ACMSD: variants seen among roughly 807,000 people sequenced by gnomAD.
The protein encoded by ACMSD is 2-amino-3-carboxymuconate-6-semialdehyde decarboxylase.
A neutral mutation model predicts 45.9 loss-of-function variants in ACMSD; 37 were observed. The ratio of observed to expected loss-of-function variants is 0.81; its 90% CI spans 0.62 to 1.06. The LOEUF is 1.06. Ranked by LOEUF, ACMSD falls within the 50% of genes least tolerant of loss-of-function variation. ACMSD has a pLI of 0.00. For synonymous variants in ACMSD, 138 were observed against 148.8 expected, an observed-to-expected ratio of 0.93 and a Z score of 0.53; for missense variants, 434 against 420.9, an observed-to-expected ratio of 1.03 and a Z score of -0.27.
chr2:134,865,612 A>T (rs2104864488), intron 5 of ACMSD, among the ~76,000 whole-genome samples: 1 of 152,230 alleles, frequency 6.6e-6, no homozygotes, highest in East Asian at 1.9e-4. Flanking sequence ...TTGGTTAGCA[A>T]GGTTTGCCTG....
rs1688406586 is a variant in ACMSD at position 134,871,001 on chromosome 2, T to C, written c.617T>C (p.Met206Thr). Residue 206 changes from methionine (M) to threonine (T), a missense_variant, in exon 7 of 10, where the codon ATG becomes ACG. Physicochemically the swap from Met to Thr is moderately conservative, Grantham distance 81. Transcript: ENST00000356140. Reference protein sequence around the residue: ...PAETTIAICSMIMGGVFEKFP... With the variant: ...PAETTIAICSTIMGGVFEKFP... ...GAGACCACCATAGCCATTTGCTCCA[T>C]GATCATGGGTGGAGTATTTGAGAAG... 2 of 1,614,074 alleles carry C rather than the reference T, an allele frequency of 1.2e-6. No homozygotes were observed. The highest frequency in any genetic ancestry group is 1.3e-5 in the African/African-American group (1 of 74,932).
At chr2:134,886,215 C>T (rs1383928679) in intron 8 of ACMSD, among the ~76,000 whole-genome samples, 1 of 145,502 alleles carries the variant, frequency 6.9e-6, no homozygotes, top group East Asian at 2.0e-4. Flanking sequence ...AAGTACTTGG[C>T]AAAATTCATT....
chr2:134,845,381 C>T, intron 2 of ACMSD, 104 bp downstream of exon 2: 1 of 1,209,988 alleles, frequency 8.3e-7, no homozygotes, highest in Non-Finnish European at 1.2e-6. Context: ...CTCTTCTGCC[C>T]ATGTATTAGC....
intron 8 of ACMSD, among the ~76,000 whole-genome samples, chr2:134,893,016 T>C (rs1048385589): frequency 2.3e-4 from 35 of 152,210 alleles, no homozygotes; most frequent in African/African-American, 7.7e-4. Flanking sequence ...TAGTTAACAC[T>C]TAGATTTGCA....
intron 8 of ACMSD, among the ~76,000 whole-genome samples, chr2:134,886,252 T>A (rs35500057): frequency 0.2 from 23,717 of 119,726 alleles, 2,257 homozygotes; most frequent in Middle Eastern, 0.52. Context: ...TATTATTTTT[T>A]TTTTTTTTTT....
At chr2:134,848,426 T>G (rs1424503516) in intron 2 of ACMSD, among the ~76,000 whole-genome samples, 6 of 152,164 alleles carry the variant, frequency 3.9e-5, no homozygotes, top group Non-Finnish European at 7.3e-5. Flanking sequence ...TTTCTCCACA[T>G]CCTCTCCAGC....
At chr2:134,856,932 T>C (rs1687609973) in intron 2 of ACMSD, among the ~76,000 whole-genome samples, 1 of 152,140 alleles carries the variant, frequency 6.6e-6, no homozygotes, top group African/African-American at 2.4e-5. Context: ...TGTAAAAATG[T>C]CATTGGAATT....
intron 8 of ACMSD, among the ~76,000 whole-genome samples, chr2:134,876,202 T>A (rs1688723738): frequency 6.6e-6 from 1 of 152,212 alleles, no homozygotes; most frequent in Non-Finnish European, 1.5e-5. Context: ...TTTATATTAC[T>A]GTAGATTTCA....
intron 8 of ACMSD, among the ~76,000 whole-genome samples, chr2:134,886,856 A>G (rs947332734): frequency 2.6e-5 from 4 of 152,234 alleles, no homozygotes; most frequent in East Asian, 1.9e-4. Context: ...TAAGGACCCT[A>G]CAAAGCAGTT....
intron 8 of ACMSD, among the ~76,000 whole-genome samples, chr2:134,874,491 G>A (rs1035454411): frequency 5.3e-5 from 8 of 152,188 alleles, no homozygotes; most frequent in Non-Finnish European, 1.2e-4. Flanking sequence ...AGACATCTGG[G>A]CTAGAGAGCA....
chr2:134,888,955 C>T (rs891210070), intron 8 of ACMSD, among the ~76,000 whole-genome samples: 4 of 152,162 alleles, frequency 2.6e-5, no homozygotes, highest in African/African-American at 9.7e-5. Context: ...TGTCAAAAAT[C>T]AGCAAATTCA....
chr2:134,855,107 T>C (rs951660031), intron 2 of ACMSD, among the ~76,000 whole-genome samples: 10 of 152,152 alleles, frequency 6.6e-5, no homozygotes, highest in African/African-American at 2.4e-4. Flanking sequence ...TGTTCCTATA[T>C]CCTATTTGTG....
intron 8 of ACMSD, among the ~76,000 whole-genome samples, chr2:134,884,410 A>T (rs527641654): frequency 1.7e-3 from 264 of 152,330 alleles, no homozygotes; most frequent in African/African-American, 5.4e-3. Flanking sequence ...CAAGAAGGCC[A>T]TAATACTGGA....
At chr2:134,875,560 T>C (rs940601749) in intron 8 of ACMSD, among the ~76,000 whole-genome samples, 5 of 152,234 alleles carry the variant, frequency 3.3e-5, no homozygotes, top group Non-Finnish European at 5.9e-5. Flanking sequence ...AAAATTCTTT[T>C]GCTTTTAAAT....
intron 8 of ACMSD, among the ~76,000 whole-genome samples, chr2:134,875,445 A>G (rs1226423793): frequency 2.6e-5 from 4 of 152,228 alleles, no homozygotes; most frequent in Admixed American, 2.6e-4. Flanking sequence ...AACCAAAACC[A>G]TTATTGAGCA....
intron 8 of ACMSD, among the ~76,000 whole-genome samples, chr2:134,896,911 C>T (rs769116929): frequency 1.3e-5 from 2 of 151,922 alleles, no homozygotes; most frequent in Non-Finnish European, 2.9e-5. Context: ...ATTCTGGAGA[C>T]ACAGAGGGTA....
In ACMSD at chr2:134,898,455, C is replaced by T. The variant is rs374242207; in HGVS notation, c.948+16C>T. Reference sequence around the variant, plus strand: ...AGAAACAAAGGTATAATGTCTTTTACTTCACGGCTTTCTTACTGACTTTTC... The same window carrying T: ...AGAAACAAAGGTATAATGTCTTTTATTTCACGGCTTTCTTACTGACTTTTC... On this transcript the variant is annotated intron_variant, in intron 9 of 9. Coordinates refer to ENST00000356140, the MANE Select transcript of ACMSD (RefSeq NM_138326.3). 2.7e-5 allele frequency: 41 copies of T among 1,539,574 alleles called. No homozygotes were observed. In the South Asian group the frequency reaches 4.4e-4, roughly 16 times the overall value.
intron 2 of ACMSD, among the ~76,000 whole-genome samples, chr2:134,846,151 T>C (rs1687043952): frequency 6.6e-6 from 1 of 152,128 alleles, no homozygotes; most frequent in African/African-American, 2.4e-5. Flanking sequence ...AAGGAAACCA[T>C]GTTCTAGGAA....
chr2:134,898,217 C>G, intron 8 of ACMSD, 124 bp from the exon 9 acceptor site: 1 of 545,766 alleles, frequency 1.8e-6, no homozygotes, highest in Admixed American at 4.0e-5. Flanking sequence ...TTTTATGTTT[C>G]TATTAATCAG....
Sources: allele counts gnomAD v4.1 joint callset (sites outside exome capture counted in the v4.1 genomes callset), GRCh38; gene constraint gnomAD v4.1.1; transcripts MANE v1.5; gene names NCBI Gene and HGNC (gene_info 2026-07-23, HGNC 2026-07-21).